The following PTPRM variants were observed in gnomAD, a reference collection of about 807,000 sequenced individuals.
PTPRM encodes the protein protein tyrosine phosphatase receptor type M.
PTPRM carries 47 observed loss-of-function variants against 186.7 expected under a neutral mutation model. That is an observed-to-expected ratio of 0.25 (90% CI 0.20 to 0.32). PTPRM has a LOEUF of 0.32. Among genes scored for constraint, PTPRM ranks in the 10% least tolerant of loss-of-function variants. The pLI is 1.00. For synonymous variants in PTPRM, 668 were observed against 674.9 expected (o/e 0.99, Z 0.16); for missense variants, 1,494 against 1,865.0 (o/e 0.80, Z 3.66).
intron 7 of PTPRM, among the ~76,000 whole-genome samples, chr18:8,028,890 T>C (rs1194474058): frequency 6.6e-6 from 1 of 152,188 alleles, no homozygotes; most frequent in African/African-American, 2.4e-5. Context: ...GGCAATAACA[T>C]CTCAAATGCT....
At chr18:8,394,883 G>A (rs553789649) in intron 32 of PTPRM, among the ~76,000 whole-genome samples, 26 of 152,242 alleles carry the variant, frequency 1.7e-4, no homozygotes, top group African/African-American at 5.8e-4. Flanking sequence ...TTCCCTTCCT[G>A]GCAGTGCCTT....
At chr18:7,845,601 T>C (rs949031802) in intron 2 of PTPRM, among the ~76,000 whole-genome samples, 2 of 152,256 alleles carry the variant, frequency 1.3e-5, no homozygotes, top group African/African-American at 4.8e-5. Context: ...TAGAAATGTT[T>C]TTCTGTTGCT....
chr18:7,818,011 C>A (rs2145572570), intron 2 of PTPRM, among the ~76,000 whole-genome samples: 1 of 152,338 alleles, frequency 6.6e-6, no homozygotes, highest in Non-Finnish European at 1.5e-5. Flanking sequence ...ACCTCACACT[C>A]CCTGGGTCAG....
At chr18:7,630,871 A>G (rs1474395421) in intron 1 of PTPRM, among the ~76,000 whole-genome samples, 2 of 152,150 alleles carry the variant, frequency 1.3e-5, no homozygotes, top group African/African-American at 4.8e-5. Flanking sequence ...TTATCTATGA[A>G]GGGGGATGGT....
At chr18:8,193,951 C>T (rs1300773499) in intron 14 of PTPRM, among the ~76,000 whole-genome samples, 1 of 152,168 alleles carries the variant, frequency 6.6e-6, no homozygotes, top group Non-Finnish European at 1.5e-5. Context: ...ACGCACCAGA[C>T]CATATTAATC....
chr18:8,399,061 T>A (rs1357010453), intron 32 of PTPRM, among the ~76,000 whole-genome samples: 1 of 152,198 alleles, frequency 6.6e-6, no homozygotes, highest in Admixed American at 6.5e-5. Flanking sequence ...TCTAATTGGC[T>A]TGTATTAGTG....
chr18:8,289,223 G>A (rs1008709667), intron 19 of PTPRM, among the ~76,000 whole-genome samples: 1 of 151,616 alleles, frequency 6.6e-6, no homozygotes, highest in African/African-American at 2.4e-5. Context: ...CCCCAATAGA[G>A]CTTCACAAAC....
intron 1 of PTPRM, among the ~76,000 whole-genome samples, chr18:7,662,670 CAAT>C (rs1427728796): frequency 2.0e-5 from 3 of 151,748 alleles, no homozygotes; most frequent in Admixed American, 6.6e-5. Context: ...TGATTATAAT[CAAT>C]AATAATTTAA....
At chr18:8,232,150 A>T (rs2094295069) in intron 14 of PTPRM, among the ~76,000 whole-genome samples, 1 of 152,172 alleles carries the variant, frequency 6.6e-6, no homozygotes, top group Non-Finnish European at 1.5e-5. Flanking sequence ...CCAGAGTGTT[A>T]TGTAGTTGGA....
chr18:8,191,818 T>C (rs901455373), intron 14 of PTPRM, among the ~76,000 whole-genome samples: 1 of 151,990 alleles, frequency 6.6e-6, no homozygotes, highest in African/African-American at 2.4e-5. Flanking sequence ...CAGAAATAAA[T>C]AGAATATATG....
At chr18:7,921,035 C>T (rs147059879) in intron 4 of PTPRM, among the ~76,000 whole-genome samples, 38 of 152,098 alleles carry the variant, frequency 2.5e-4, no homozygotes, top group African/African-American at 8.2e-4. Flanking sequence ...TTGTCTTTGA[C>T]CTTTGAGAGT....
chr18:8,195,427 C>G (rs1388567642), intron 14 of PTPRM, among the ~76,000 whole-genome samples: 1 of 152,066 alleles, frequency 6.6e-6, no homozygotes, highest in Non-Finnish European at 1.5e-5. Flanking sequence ...AATCCTATTA[C>G]TAGTTATCTA....
In PTPRM at chr18:7,816,977, T is replaced by TA. The variant is rs1337036952; in HGVS notation, c.196+42706_196+42707insA. 2.8e-5 allele frequency among the ~76,000 whole-genome samples: 4 copies of TA among 143,304 alleles called. No homozygotes were observed. The East Asian group carries it at 7.8e-4, about 28-fold the overall frequency. 94.0% of individuals were successfully genotyped at this position (143,304 alleles called of 152,430 possible). ...TATTTTTTCTAGTTAGTTAATTAAT[T>TA]TTTTTTTTTTTTTTTGAGATGGGGT... On this transcript the variant is annotated intron_variant, in intron 2 of 32. Transcript: ENST00000580170.
At chr18:7,936,757 T>C (rs1243322211) in intron 5 of PTPRM, among the ~76,000 whole-genome samples, 1 of 152,180 alleles carries the variant, frequency 6.6e-6, no homozygotes, top group East Asian at 1.9e-4. Flanking sequence ...CGTGCTTTTT[T>C]GATGCCCACC....
rs7230992 is a variant in PTPRM at position 7,949,143 on chromosome 18, A to T, written c.664-38A>T. ...TGACTGTTTTGCTCTGACAGCTTAT[A>T]TTGCTTCTTTTTGTCCTCCCCACCC... On this transcript the variant is annotated intron_variant, in intron 5 of 32. Coordinates refer to ENST00000580170, the MANE Select transcript of PTPRM (RefSeq NM_001105244.2). 3.7e-3 allele frequency: 5,538 copies of T among 1,511,810 alleles called. 172 individuals carry two copies. The African/African-American group carries it at 0.067, about 18-fold the overall frequency. 93.6% of individuals were successfully genotyped at this position (1,511,810 alleles called of 1,614,324 possible).
intron 11 of PTPRM, among the ~76,000 whole-genome samples, chr18:8,110,036 G>A (rs898218231): frequency 2.6e-5 from 4 of 152,152 alleles, no homozygotes; most frequent in African/African-American, 7.2e-5. Context: ...ATAAGGCAAA[G>A]CATCGTTGTG....
At chr18:8,382,290 C>T (rs904029183) in intron 29 of PTPRM, among the ~76,000 whole-genome samples, 2 of 152,146 alleles carry the variant, frequency 1.3e-5, no homozygotes, top group Non-Finnish European at 2.9e-5. Flanking sequence ...GTGCAACCCA[C>T]GTCACTCATA....
At chr18:8,270,055 A>T (rs1272564719) in intron 19 of PTPRM, 1 of 152,046 alleles carries the variant, frequency 6.6e-6, no homozygotes, top group Non-Finnish European at 1.5e-5. Flanking sequence ...ACAAAGACAT[A>T]AGCAACAAAA....
intron 3 of PTPRM, among the ~76,000 whole-genome samples, chr18:7,891,227 A>C (rs2049061447): frequency 2.6e-5 from 4 of 152,132 alleles, no homozygotes; most frequent in Non-Finnish European, 1.5e-5. Flanking sequence ...TCGAGGCTTC[A>C]GTGAGCCGTG....
Sources: gnomAD v4.1 joint callset for allele counts (sites outside exome capture counted in the v4.1 genomes callset) on GRCh38, gnomAD v4.1.1 for gene constraint, MANE v1.5 for transcripts, NCBI Gene and HGNC (gene_info 2026-07-23, HGNC 2026-07-21) for gene names.